The following DENND1A variants were observed in gnomAD, a reference collection of about 807,000 sequenced individuals.
The protein encoded by DENND1A is DENN domain containing 1A.
In DENND1A, 51 loss-of-function variants were observed where a neutral mutation model predicts 113.7. The ratio of observed to expected loss-of-function variants is 0.45; its 90% confidence interval spans 0.36 to 0.57. The LOEUF (loss-of-function observed/expected upper bound fraction) is 0.57, where lower values mean the gene tolerates loss of function less well. Ranked by LOEUF, DENND1A falls within the 20% of genes least tolerant of loss-of-function variation. The pLI, the probability that DENND1A is intolerant of heterozygous loss-of-function variation, is 0.00. For missense variants in DENND1A, 1,258 were observed against 1,395.9 expected, an observed-to-expected ratio of 0.90 and a Z score of 1.57; for synonymous variants, 565 against 570.8, an observed-to-expected ratio of 0.99 and a Z score of 0.14.
chr9:123,739,316 C>A lies in DENND1A; in HGVS notation c.302+18387G>T, dbSNP rs537332010. Reference sequence around the variant, plus strand: ...GCAGAAAGACAGAGAGGGAAAATAACAAGCAGACCCCGGGCTTTCTTCCTA... The same window carrying A: ...GCAGAAAGACAGAGAGGGAAAATAAAAAGCAGACCCCGGGCTTTCTTCCTA... On this transcript the variant is annotated intron_variant, in intron 5 of 23. Transcript: ENST00000394215. 5.3e-5 allele frequency among the ~76,000 whole-genome samples: 8 copies of A among 152,218 alleles called. No individual in the cohort carries two copies. The South Asian group carries it at 1.7e-3, about 32-fold the overall frequency.
intron 5 of DENND1A, among the ~76,000 whole-genome samples, chr9:123,757,145 T>G (rs1044341008): frequency 3.3e-5 from 5 of 152,202 alleles, no homozygotes; most frequent in African/African-American, 1.2e-4. Flanking sequence ...CTTAAGCAAG[T>G]GTGGCTCTGG....
intron 12 of DENND1A, among the ~76,000 whole-genome samples, chr9:123,573,423 A>G (rs2058464435): frequency 6.6e-6 from 1 of 152,140 alleles, no homozygotes; most frequent in Admixed American, 6.5e-5. Flanking sequence ...GAGTCTTCCA[A>G]TCCAAAACAT....
intron 1 of DENND1A, among the ~76,000 whole-genome samples, chr9:123,916,174 A>G (rs1021419495): frequency 5.9e-5 from 9 of 152,132 alleles, no homozygotes; most frequent in Admixed American, 5.9e-4. Flanking sequence ...ACCATAGTCC[A>G]TCCATCCAAT....
intron 6 of DENND1A, among the ~76,000 whole-genome samples, chr9:123,674,162 C>A (rs2063903617): frequency 6.6e-6 from 1 of 152,122 alleles, no homozygotes; most frequent in Admixed American, 6.5e-5. Context: ...CTGAGGCAGG[C>A]TGCTCCCTGG....
At chr9:123,856,829 T>C (rs1050397055) in intron 2 of DENND1A, among the ~76,000 whole-genome samples, 9 of 152,064 alleles carry the variant, frequency 5.9e-5, no homozygotes, top group Non-Finnish European at 1.0e-4. Context: ...GTGGCAGCCA[T>C]GATGACAGAG....
chr9:123,763,605 G>T (rs2071223492), intron 4 of DENND1A, among the ~76,000 whole-genome samples: 1 of 152,074 alleles, frequency 6.6e-6, no homozygotes, highest in Non-Finnish European at 1.5e-5. Flanking sequence ...TTAACACCAT[G>T]GTAAAGACTG....
chr9:123,653,444 C>G (rs992970218), intron 8 of DENND1A, among the ~76,000 whole-genome samples: 4 of 152,212 alleles, frequency 2.6e-5, no homozygotes, highest in African/African-American at 9.7e-5. Context: ...TATACGCTTT[C>G]CCGTACACAA....
chr9:123,929,501 C>T (rs556024401), intron 1 of DENND1A, among the ~76,000 whole-genome samples: 8 of 152,330 alleles, frequency 5.3e-5, no homozygotes, highest in African/African-American at 1.4e-4. Flanking sequence ...CCTCTCCGGA[C>T]CTGCCAACTT....
At chr9:123,583,393 C>T in intron 11 of DENND1A, 123 bp from the exon 12 acceptor site, 1 of 643,346 alleles carries the variant, frequency 1.6e-6, no homozygotes, top group East Asian at 2.8e-5. Context: ...TCTTACTCTG[C>T]AGCAGGCCCA....
At chr9:123,556,558 G>A (rs1365931580) in intron 13 of DENND1A, among the ~76,000 whole-genome samples, 1 of 152,194 alleles carries the variant, frequency 6.6e-6, no homozygotes, top group Non-Finnish European at 1.5e-5. Flanking sequence ...AATGCTATAG[G>A]TTAAAGTAAA....
chr9:123,904,528 C>T (rs1194190097), intron 1 of DENND1A, among the ~76,000 whole-genome samples: 1 of 143,268 alleles, frequency 7.0e-6, no homozygotes, highest in Non-Finnish European at 1.5e-5. Flanking sequence ...CTTAAAGGAG[C>T]TGATGGAGCT....
chr9:123,609,531 G>T, intron 10 of DENND1A, 50 bp from the exon 11 acceptor site: 1 of 1,591,086 alleles, frequency 6.3e-7, no homozygotes, highest in South Asian at 1.1e-5. Flanking sequence ...TGTTGCTTCT[G>T]ACAGAAAATT....
chr9:123,396,584 G>C (rs985839560), intron 21 of DENND1A, among the ~76,000 whole-genome samples: 1 of 152,220 alleles, frequency 6.6e-6, no homozygotes, highest in African/African-American at 2.4e-5. Flanking sequence ...CCTGGGCTTC[G>C]GGCGGGGTTT....
chr9:123,669,336 G>A (rs1233889917), intron 7 of DENND1A, among the ~76,000 whole-genome samples: 3 of 152,316 alleles, frequency 2.0e-5, no homozygotes, highest in South Asian at 2.1e-4. Context: ...TGCCTTTACA[G>A]ATGCAATTGA....
intron 1 of DENND1A, among the ~76,000 whole-genome samples, chr9:123,893,622 A>C (rs753644591): frequency 3.2e-4 from 48 of 152,328 alleles, no homozygotes; most frequent in South Asian, 8.3e-4. Context: ...TGCTAAGCTT[A>C]ATTTTATATA....
chr9:123,663,605 A>G (rs1465384701), intron 8 of DENND1A, among the ~76,000 whole-genome samples: 3 of 151,822 alleles, frequency 2.0e-5, no homozygotes, highest in African/African-American at 7.3e-5. Flanking sequence ...GGTTTCATCA[A>G]ACACTGGAGG....
chr9:123,406,914 T>A (rs1217945964), intron 20 of DENND1A, among the ~76,000 whole-genome samples: 1 of 151,994 alleles, frequency 6.6e-6, no homozygotes, highest in Non-Finnish European at 1.5e-5. Flanking sequence ...CTTGCTACAA[T>A]AAAGGCGGGT....
intron 2 of DENND1A, among the ~76,000 whole-genome samples, chr9:123,838,731 G>A (rs1841408930): frequency 6.6e-6 from 1 of 152,060 alleles, no homozygotes; most frequent in Non-Finnish European, 1.5e-5. Flanking sequence ...TTGTACAGTG[G>A]CAAGTAGGAT....
chr9:123,693,386 C>T (rs911832567), intron 5 of DENND1A, among the ~76,000 whole-genome samples: 3 of 152,164 alleles, frequency 2.0e-5, no homozygotes, highest in African/African-American at 7.2e-5. Flanking sequence ...GTAACAACCA[C>T]AGACAATCAA....
Sources: gnomAD v4.1 joint callset for allele counts (sites outside exome capture counted in the v4.1 genomes callset) on GRCh38, gnomAD v4.1.1 for gene constraint, MANE v1.5 for transcripts, NCBI Gene and HGNC (gene_info 2026-07-23, HGNC 2026-07-21) for gene names.